Variants in ACTN4 observed in about 807,000 individuals in gnomAD.
ACTN4 encodes the protein alpha-actinin-4.
ACTN4 carries 18 observed loss-of-function variants against 114.2 expected under a neutral mutation model. That is an observed-to-expected ratio of 0.16 (90% confidence interval 0.11 to 0.23). The LOEUF (loss-of-function observed/expected upper bound fraction) is 0.23. ACTN4 is among the 10% of genes least tolerant of loss of function. The pLI is 1.00. For synonymous variants in ACTN4, 515 were observed against 506.3 expected, an observed-to-expected ratio of 1.02 and a Z score of -0.23; for missense variants, 722 against 1,262.9, an observed-to-expected ratio of 0.57 and a Z score of 6.49.
At chr19:38,657,652 CT>C (rs1210453123) in intron 1 of ACTN4, among the ~76,000 whole-genome samples, 1 of 151,754 alleles carries the variant, frequency 6.6e-6, no homozygotes, top group East Asian at 1.9e-4. Context: ...CTTTCTTTTC[CT>C]TTTTTAAATA....
At position 38,710,336 on chromosome 19, in the gene ACTN4, G is replaced by C; in HGVS notation, c.813G>C (p.Ala271=). 4 of 1,613,612 alleles carry C rather than the reference G, an allele frequency of 2.5e-6. No individual in the cohort carries two copies. Among genetic ancestry groups the C allele is most frequent in the Non-Finnish European group, 3.4e-6 (4 of 1,179,984 alleles). The part of the protein sequence containing the change: ...VSSFYHAFSG[A]QKAETAANRI... ...GCTTCTACCATGCCTTTTCAGGAGCGCAGAAGGTACCGAGCAGGGCCAGGC... is the reference window on the plus strand; with the variant it reads ...GCTTCTACCATGCCTTTTCAGGAGCCCAGAAGGTACCGAGCAGGGCCAGGC... Residue 271 remains alanine (A), a synonymous_variant, in exon 8 of 21, where the codon GCG becomes GCC. Coordinates refer to ENST00000252699, the MANE Select transcript of ACTN4 (RefSeq NM_004924.6).
At chr19:38,706,633 G>A (rs1011291675) in intron 5 of ACTN4, among the ~76,000 whole-genome samples, 13 of 152,114 alleles carry the variant, frequency 8.5e-5, no homozygotes, top group African/African-American at 2.9e-4. Context: ...TGCCCAGGCT[G>A]GACTTGAACT....
chr19:38,731,491 G>A lies in ACTN4; in HGVS notation c.*2059G>A, dbSNP rs1370601125. 1.9e-6 allele frequency: 1 copy of A among 524,710 alleles called. No individual in the cohort carries two copies. Among genetic ancestry groups the A allele is most frequent in the South Asian group, 2.1e-5 (1 of 46,840 alleles). The allele number at this position is 524,710 out of a possible 1,614,324, so 32.5% of individuals were successfully genotyped here. On this transcript the variant is annotated 3_prime_UTR_variant, in exon 21 of 21. Coordinates refer to ENST00000252699, the MANE Select transcript of ACTN4 (RefSeq NM_004924.6). Reference sequence around the variant, plus strand: ...GCGTCTGACACGTGACTCGATGTGTGGGTACTGTTACTCCTTAAATCCTGT... The same window carrying A: ...GCGTCTGACACGTGACTCGATGTGTAGGTACTGTTACTCCTTAAATCCTGT...
chr19:38,723,499 T>A, intron 12 of ACTN4, 115 bp from the exon 13 acceptor site: 1 of 770,394 alleles, frequency 1.3e-6, no homozygotes, highest in African/African-American at 1.7e-5. Context: ...GTTGCTGATA[T>A]CCTGGAATGT....
At chr19:38,687,632 C>A (rs1487706994) in intron 1 of ACTN4, among the ~76,000 whole-genome samples, 6 of 152,196 alleles carry the variant, frequency 3.9e-5, no homozygotes, top group Admixed American at 6.5e-5. Flanking sequence ...CAAAAATTAA[C>A]TCCAAACGGA....
intron 1 of ACTN4, among the ~76,000 whole-genome samples, chr19:38,696,658 G>C (rs1042435842): frequency 6.6e-6 from 1 of 152,214 alleles, no homozygotes; most frequent in Non-Finnish European, 1.5e-5. Flanking sequence ...CCTCACCAGA[G>C]CTGAGGGCTT....
At chr19:38,673,615 A>G (rs1298312504) in intron 1 of ACTN4, among the ~76,000 whole-genome samples, 1 of 78,490 alleles carries the variant, frequency 1.3e-5, no homozygotes, top group Non-Finnish European at 2.6e-5. Context: ...ATTCATTTAT[A>G]TTTATATATA....
intron 1 of ACTN4, among the ~76,000 whole-genome samples, chr19:38,687,919 A>G (rs887242700): frequency 6.6e-6 from 1 of 152,254 alleles, no homozygotes; most frequent in Non-Finnish European, 1.5e-5. Context: ...TCAACAGTAA[A>G]AAGACACACC....
intron 1 of ACTN4, among the ~76,000 whole-genome samples, chr19:38,651,749 T>C (rs1242584095): frequency 6.6e-6 from 1 of 152,144 alleles, no homozygotes. Context: ...TTGTTTTGTT[T>C]TTTTTGAGAC....
At chr19:38,728,175 C>T in intron 19 of ACTN4, 149 bp downstream of exon 19, 1 of 1,298,878 alleles carries the variant, frequency 7.7e-7, no homozygotes, top group African/African-American at 1.5e-5. Flanking sequence ...TCCCTGGACC[C>T]CTTCCCTTTT....
chr19:38,722,635 G>A (rs968858780), intron 12 of ACTN4, among the ~76,000 whole-genome samples: 2 of 152,196 alleles, frequency 1.3e-5, no homozygotes, highest in Non-Finnish European at 2.9e-5. Flanking sequence ...GCACAGTTGG[G>A]GCACTCCAGG....
At chr19:38,713,206 C>T (rs777095441) in intron 8 of ACTN4, among the ~76,000 whole-genome samples, 4 of 152,222 alleles carry the variant, frequency 2.6e-5, no homozygotes, top group Non-Finnish European at 5.9e-5. Flanking sequence ...GTCACCGAAG[C>T]GTTCCCGCCT....
chr19:38,728,566 C>T (rs960643524), intron 19 of ACTN4, among the ~76,000 whole-genome samples: 17 of 151,934 alleles, frequency 1.1e-4, no homozygotes, highest in Non-Finnish European at 1.3e-4. Flanking sequence ...GGGGTGGGGT[C>T]CCTCCGATGA....
rs568520045 is a variant in ACTN4, at chr19:38,727,988, CTCA to C, written c.2384_2386del (p.Ile795del). 6.2e-7 allele frequency: 1 copy of C among 1,613,108 alleles called. No individual in the cohort carries two copies. Among genetic ancestry groups the C allele is most frequent in the South Asian group, 1.1e-5 (1 of 91,058 alleles). ...GGGGCCCGAGGAGTTCAAGGCCTGC[CTCA>C]TCAGCCTGGGCTACGACGTGGAGAA... On this transcript the variant is annotated inframe_deletion, in exon 19 of 21. Coordinates refer to ENST00000252699, the MANE Select transcript of ACTN4 (RefSeq NM_004924.6). The surrounding 1 kb of genome is among the most constrained non-coding windows in gnomAD (Gnocchi z 5.4).
chr19:38,681,826 A>G (rs993262974), intron 1 of ACTN4, among the ~76,000 whole-genome samples: 7 of 151,840 alleles, frequency 4.6e-5, no homozygotes, highest in African/African-American at 1.2e-4. Flanking sequence ...TCAACTTTCA[A>G]TCTTTTTTTT....
intron 11 of ACTN4, among the ~76,000 whole-genome samples, chr19:38,718,876 G>A (rs1968936922): frequency 6.6e-6 from 1 of 152,220 alleles, no homozygotes; most frequent in South Asian, 2.1e-4. Flanking sequence ...ACGTCCCTCA[G>A]GCTAGAGGAG....
Position 38,649,186 on chromosome 19 carries a change from CG to C in ACTN4, c.162+1287del, listed in dbSNP as rs371714249. On this transcript the variant is annotated intron_variant, in intron 1 of 20. Coordinates refer to ENST00000252699, the MANE Select transcript of ACTN4 (RefSeq NM_004924.6). ...CAGGTGGCACTGTTTTTTTGGGGGG[CG>C]GGGGGGGCAACTTGGTAGGGCCCCA... Among the ~76,000 whole-genome samples the C allele has an allele frequency of 4.2e-3, 124 of 29,724 alleles. 1 individual carries two copies. The South Asian group carries it at 0.099, about 24-fold the overall frequency. 19.5% of individuals were successfully genotyped at this position (29,724 alleles called of 152,430 possible).
rs1411876638 is a variant in ACTN4, at chr19:38,731,098, G to A, written c.*1666G>A. On this transcript the variant is annotated 3_prime_UTR_variant, in exon 21 of 21. Transcript: ENST00000252699. ...CCCCCATGCCCCACCATGCCGGGGT[G>A]GTACTCACAGAAGATGCAGGTGAGG... 3 of 1,607,710 alleles carry A rather than the reference G, an allele frequency of 1.9e-6. No homozygotes were observed. Among genetic ancestry groups the A allele is most frequent in the Non-Finnish European group, 2.5e-6 (3 of 1,177,544 alleles).
rs750426834 is a variant in ACTN4 at position 38,721,568 on chromosome 19, A to G, written c.1322A>G (p.Tyr441Cys). The change falls in exon 12 of 21, where the codon TAC becomes TGC. Residue 441 changes from tyrosine to cysteine, a missense_variant. Physicochemically the swap from Tyr to Cys is radical, Grantham distance 194. Around this residue, in one of 3 missense-constraint regions of ACTN4, gnomAD observed 523 missense variants for 875.9 expected, o/e 0.60. Transcript: ENST00000252699. ...GAAGCCATGCTGAAGCACCGGGACTACGAGACGGCCACACTATCGGACATC... is the reference window on the plus strand; with the variant it reads ...GAAGCCATGCTGAAGCACCGGGACTGCGAGACGGCCACACTATCGGACATC... The part of the protein sequence containing the change: ...GKEAMLKHRD[Y>C]ETATLSDIKA... 6.2e-7 allele frequency: 1 copy of G among 1,613,902 alleles called. No homozygotes were observed. The highest frequency in any genetic ancestry group is 8.5e-7 in the Non-Finnish European group (1 of 1,180,030).
Sources: allele counts gnomAD v4.1 joint callset (sites outside exome capture counted in the v4.1 genomes callset), GRCh38; gene constraint gnomAD v4.1.1; regional missense constraint gnomAD v4.1.1; non-coding constraint Gnocchi (gnomAD v3.1); transcripts MANE v1.5; gene names NCBI Gene and HGNC (gene_info 2026-07-23, HGNC 2026-07-21).